CSTPP1: variants seen among roughly 807,000 people sequenced by gnomAD.
The protein encoded by CSTPP1 is UPF0705 protein C11orf49.
chr11:46,982,838 A>G, the CSTPP1 span, among the ~76,000 whole-genome samples: 3 of 152,162 alleles, frequency 2.0e-5, no homozygotes, highest in South Asian at 6.2e-4. Flanking sequence ...AGCACTTACT[A>G]TGTGCCAAGC....
At chr11:47,029,945 A>G in the CSTPP1 span, among the ~76,000 whole-genome samples, 1 of 151,518 alleles carries the variant, frequency 6.6e-6, no homozygotes, top group African/African-American at 2.4e-5. Flanking sequence ...TGGAAAAAAA[A>G]AAAAAAAGAA....
chr11:46,962,763 G>A, the CSTPP1 span, among the ~76,000 whole-genome samples: 1 of 152,026 alleles, frequency 6.6e-6, no homozygotes, highest in Non-Finnish European at 1.5e-5. Flanking sequence ...TGCCAGCCTG[G>A]GCAACATGGC....
chr11:47,083,763 A>G, the CSTPP1 span, among the ~76,000 whole-genome samples: 132 of 152,330 alleles, frequency 8.7e-4, no homozygotes, highest in African/African-American at 3.1e-3. Context: ...GTTCATCCAC[A>G]TTGTGGAATG....
chr11:47,088,070 T>A, the CSTPP1 span, among the ~76,000 whole-genome samples: 1 of 152,350 alleles, frequency 6.6e-6, no homozygotes, highest in Non-Finnish European at 1.5e-5. Flanking sequence ...GAAGCCACAG[T>A]GCCTTTATCA....
At chr11:47,043,961 T>A in the CSTPP1 span, among the ~76,000 whole-genome samples, 5 of 152,320 alleles carry the variant, frequency 3.3e-5, no homozygotes, top group South Asian at 1.0e-3. Flanking sequence ...GGTTCTACAA[T>A]GTATCTACCA....
chr11:47,150,718 C>T, the CSTPP1 span, among the ~76,000 whole-genome samples: 1 of 151,836 alleles, frequency 6.6e-6, no homozygotes, highest in African/African-American at 2.4e-5. Context: ...GAGGGACAGA[C>T]TTGTCTGGAG....
chr11:47,031,540 TAAAC>T, the CSTPP1 span, among the ~76,000 whole-genome samples: 3 of 151,730 alleles, frequency 2.0e-5, no homozygotes, highest in Non-Finnish European at 4.4e-5. Flanking sequence ...AAAAATAAAA[TAAAC>T]AAAATTAGCC....
At chr11:47,028,330 T>G in the CSTPP1 span, among the ~76,000 whole-genome samples, 1 of 152,218 alleles carries the variant, frequency 6.6e-6, no homozygotes, top group Non-Finnish European at 1.5e-5. Flanking sequence ...GAGAAGCTCA[T>G]TCCGAATACA....
At chr11:47,125,575 C>T in the CSTPP1 span, among the ~76,000 whole-genome samples, 8 of 152,178 alleles carry the variant, frequency 5.3e-5, no homozygotes, top group Non-Finnish European at 8.8e-5. Context: ...TCTGTGGCTG[C>T]TTTGGACAGT....
the CSTPP1 span, among the ~76,000 whole-genome samples, chr11:46,984,647 G>A: frequency 1.3e-5 from 2 of 150,428 alleles, no homozygotes; most frequent in African/African-American, 2.5e-5. Flanking sequence ...TATTTATCCC[G>A]TAAAAAGCTT....
At chr11:46,987,646 G>T in the CSTPP1 span, 2 of 192,546 alleles carry the variant, frequency 1.0e-5, no homozygotes, top group African/African-American at 2.3e-5. Flanking sequence ...CATCTAGCCT[G>T]TTTTTTTTCA....
chr11:47,155,398 C>A, the CSTPP1 span: 3 of 800,924 alleles, frequency 3.7e-6, no homozygotes, highest in South Asian at 1.5e-5. Context: ...CACTGCGGGT[C>A]GCTAACAGGA....
At chr11:47,101,186 T>TTTTTTTTTTTTTTG in the CSTPP1 span, among the ~76,000 whole-genome samples, 1 of 102,040 alleles carries the variant, frequency 9.8e-6, no homozygotes, top group Non-Finnish European at 1.8e-5. Flanking sequence ...TTTTTTTTTT[T>TTTTTTTTTTTTTTG]TTTATTTTAT....
chr11:47,142,921 C>G, the CSTPP1 span, among the ~76,000 whole-genome samples: 1 of 152,170 alleles, frequency 6.6e-6, no homozygotes, highest in African/African-American at 2.4e-5. Context: ...TGACAGACAC[C>G]TCAGACCTTT....
chr11:47,153,037 G>A, the CSTPP1 span, among the ~76,000 whole-genome samples: 1 of 152,164 alleles, frequency 6.6e-6, no homozygotes, highest in Non-Finnish European at 1.5e-5. Flanking sequence ...GCGCTCCCGG[G>A]GGAGCTCACT....
chr11:47,089,201 A>G, the CSTPP1 span, among the ~76,000 whole-genome samples: 1 of 152,200 alleles, frequency 6.6e-6, no homozygotes, highest in African/African-American at 2.4e-5. Flanking sequence ...TAAAAGTATT[A>G]TATCGGCAAA....
chr11:47,008,883 T>G, the CSTPP1 span, among the ~76,000 whole-genome samples: 1 of 151,878 alleles, frequency 6.6e-6, no homozygotes, highest in Non-Finnish European at 1.5e-5. Flanking sequence ...ACAAAAAAAT[T>G]AGCTGGGCGT....
the CSTPP1 span, among the ~76,000 whole-genome samples, chr11:47,072,935 A>C: frequency 6.6e-6 from 1 of 152,318 alleles, no homozygotes; most frequent in Admixed American, 6.5e-5. Flanking sequence ...TGAGAACAGC[A>C]TGATGGTAGA....
chr11:47,040,475 G>T, the CSTPP1 span, among the ~76,000 whole-genome samples: 1 of 126,350 alleles, frequency 7.9e-6, no homozygotes, highest in Non-Finnish European at 1.9e-5. Flanking sequence ...CAGTAGGGAT[G>T]GCACCATGTT....
Sources: allele counts gnomAD v4.1 joint callset (sites outside exome capture counted in the v4.1 genomes callset), GRCh38; gene constraint gnomAD v4.1.1; transcripts MANE v1.5; gene names NCBI Gene and HGNC (gene_info 2026-07-23, HGNC 2026-07-21).